The following LGSN variants were observed in gnomAD, a reference collection of about 807,000 sequenced individuals.
The protein encoded by LGSN is lengsin, lens protein with glutamine synthetase domain.
LGSN carries 21 observed loss-of-function variants against 19.5 expected under a neutral mutation model. That is an observed-to-expected ratio of 1.07 (90% CI 0.76 to 1.55). LGSN has a LOEUF of 1.55. LGSN is among the 40% of genes most tolerant of loss of function. The pLI is 0.00. For missense variants in LGSN, 673 were observed against 608.5 expected (o/e 1.11, Z -1.12); for synonymous variants, 257 against 215.6 (o/e 1.19, Z -1.68).
chr6:63,533,024 C>A, the LGSN span, among the ~76,000 whole-genome samples: 1 of 152,112 alleles, frequency 6.6e-6, no homozygotes, highest in East Asian at 1.9e-4. Flanking sequence ...GAGCTACTGA[C>A]CTGACAGAGG....
At chr6:63,449,672 C>T in the LGSN span, among the ~76,000 whole-genome samples, 13 of 151,808 alleles carry the variant, frequency 8.6e-5, no homozygotes, top group Non-Finnish European at 1.9e-4. Flanking sequence ...AAAGGGTATC[C>T]CCCCAGAGAA....
the LGSN span, among the ~76,000 whole-genome samples, chr6:63,412,747 GAA>G: frequency 2.4e-3 from 164 of 67,966 alleles, 13 homozygotes; most frequent in Non-Finnish European, 6.6e-4. Flanking sequence ...AAGAAAGAAA[GAA>G]AGAAAGAAAG....
At position 63,311,317 on chromosome 6, in the gene LGSN, T is replaced by G. The variant is rs560896980; in HGVS notation, c.30+8597A>C. Among the ~76,000 whole-genome samples the G allele has an allele frequency of 1.2e-4, 18 of 152,340 alleles. No individual in the cohort carries two copies. In the East Asian group the frequency reaches 2.9e-3, roughly 25 times the overall value. Reference sequence around the variant, plus strand: ...AGTTTTCAGTCAGAATTGTGTAAACTTAACTAACTGAGATGTCTATGGTGT... The same window carrying G: ...AGTTTTCAGTCAGAATTGTGTAAACGTAACTAACTGAGATGTCTATGGTGT... On this transcript the variant is annotated intron_variant, in intron 1 of 3. Coordinates refer to ENST00000370657, the MANE Select transcript of LGSN (RefSeq NM_016571.3).
chr6:63,549,299 G>A, the LGSN span: 1 of 754,182 alleles, frequency 1.3e-6, no homozygotes. Context: ...GCCACTTACA[G>A]AGGATGGCTC....
At chr6:63,470,419 A>G in the LGSN span, among the ~76,000 whole-genome samples, 1 of 151,888 alleles carries the variant, frequency 6.6e-6, no homozygotes, top group African/African-American at 2.4e-5. Flanking sequence ...GGTTGCAGTG[A>G]GCAGAGATCG....
At chr6:63,525,262 G>A in the LGSN span, among the ~76,000 whole-genome samples, 3 of 152,124 alleles carry the variant, frequency 2.0e-5, no homozygotes, top group Non-Finnish European at 4.4e-5. Flanking sequence ...GATCAAACCC[G>A]CTCTTCCATA....
the LGSN span, among the ~76,000 whole-genome samples, chr6:63,431,969 G>T: frequency 6.6e-6 from 1 of 151,520 alleles, no homozygotes; most frequent in African/African-American, 2.4e-5. Flanking sequence ...CCAGCTACTC[G>T]GGAGGCTGAG....
At chr6:63,351,438 AG>A in the LGSN span, among the ~76,000 whole-genome samples, 1 of 106,044 alleles carries the variant, frequency 9.4e-6, no homozygotes, top group South Asian at 3.1e-4. Flanking sequence ...AGAGAGGAAG[AG>A]AGAGAGAGAG....
the LGSN span, among the ~76,000 whole-genome samples, chr6:63,377,913 CAAAAAAAAA>C: frequency 3.7e-5 from 2 of 54,350 alleles, no homozygotes; most frequent in Non-Finnish European, 7.8e-5. Context: ...GACTCCATCT[CAAAAAAAAA>C]AAAAAAAAAA....
At chr6:63,528,904 C>T in the LGSN span, among the ~76,000 whole-genome samples, 8 of 152,014 alleles carry the variant, frequency 5.3e-5, no homozygotes, top group Non-Finnish European at 8.8e-5. Flanking sequence ...GCCTGACTAA[C>T]ATGGTGAAAC....
chr6:63,348,416 T>C, the LGSN span, among the ~76,000 whole-genome samples: 1 of 151,606 alleles, frequency 6.6e-6, no homozygotes, highest in Non-Finnish European at 1.5e-5. Context: ...ATCACACCAC[T>C]GCACTCCAGC....
chr6:63,418,506 A>T, the LGSN span, among the ~76,000 whole-genome samples: 1 of 152,242 alleles, frequency 6.6e-6, no homozygotes, highest in African/African-American at 2.4e-5. Flanking sequence ...GGTTGCAGTG[A>T]GCCGAGATTC....
upstream of LGSN, among the ~76,000 whole-genome samples, chr6:63,322,459 A>G (rs1769106798): frequency 6.6e-6 from 1 of 152,128 alleles, no homozygotes; most frequent in African/African-American, 2.4e-5. Context: ...CATAACAACC[A>G]CGACAGAAGG....
chr6:63,400,866 C>G, the LGSN span, among the ~76,000 whole-genome samples: 1 of 151,446 alleles, frequency 6.6e-6, no homozygotes, highest in East Asian at 2.0e-4. Context: ...TGGTGGTGGG[C>G]GCCTGTAATC....
chr6:63,473,694 G>A, the LGSN span, among the ~76,000 whole-genome samples: 2 of 149,276 alleles, frequency 1.3e-5, no homozygotes, highest in Middle Eastern at 3.4e-3. Context: ...CTTGAGAGAA[G>A]ACTCTTCTCT....
the LGSN span, among the ~76,000 whole-genome samples, chr6:63,544,586 G>C: frequency 6.6e-6 from 1 of 152,080 alleles, no homozygotes; most frequent in African/African-American, 2.4e-5. Context: ...ACTGGCTAGA[G>C]TGGTCATGTC....
At chr6:63,505,623 A>C in the LGSN span, among the ~76,000 whole-genome samples, 4 of 106,268 alleles carry the variant, frequency 3.8e-5, 1 homozygote, top group Non-Finnish European at 8.4e-5. Context: ...GAAAGAAAGA[A>C]AGAAAGAAAG....
the LGSN span, among the ~76,000 whole-genome samples, chr6:63,449,692 A>C: frequency 6.6e-6 from 1 of 152,216 alleles, no homozygotes; most frequent in Non-Finnish European, 1.5e-5. Context: ...AAGAAAACAA[A>C]AATGAGTATC....
At chr6:63,402,123 A>AT in the LGSN span, among the ~76,000 whole-genome samples, 1 of 152,082 alleles carries the variant, frequency 6.6e-6, no homozygotes, top group East Asian at 1.9e-4. Context: ...ATGACAGTGG[A>AT]TTTTTTTTAG....
Sources: gnomAD v4.1 joint callset for allele counts (sites outside exome capture counted in the v4.1 genomes callset) on GRCh38, gnomAD v4.1.1 for gene constraint, MANE v1.5 for transcripts, NCBI Gene and HGNC (gene_info 2026-07-23, HGNC 2026-07-21) for gene names.